SEC24D: variants seen among roughly 807,000 people sequenced by gnomAD.
The protein encoded by SEC24D is protein transport protein Sec24D.
Under a neutral mutation model 116.9 loss-of-function variants are expected in SEC24D, and 69 were observed. That is an observed-to-expected ratio of 0.59 (90% CI 0.49 to 0.72). The LOEUF (loss-of-function observed/expected upper bound fraction) is 0.72. SEC24D is among the 30% of genes least tolerant of loss of function. The pLI, the probability that SEC24D is intolerant of heterozygous loss-of-function variation, is 0.00. For missense variants in SEC24D, 1,131 were observed against 1,264.1 expected (o/e 0.89, Z 1.60); for synonymous variants, 405 against 442.8 (o/e 0.91, Z 1.07).
chr4:118,723,317 C>G lies in SEC24D; in HGVS notation c.*198G>C, dbSNP rs1377682455. Reference sequence around the variant, plus strand: ...ACTGTGCAATCAGAAACAGATTGTTCCCTTTATGGTACAATTGTACCTTAA... The same window carrying G: ...ACTGTGCAATCAGAAACAGATTGTTGCCTTTATGGTACAATTGTACCTTAA... On this transcript the variant is annotated 3_prime_UTR_variant, in exon 23 of 23. Coordinates refer to ENST00000280551, the MANE Select transcript of SEC24D (RefSeq NM_014822.4). 2.1e-6 allele frequency: 1 copy of G among 482,290 alleles called. No homozygotes were observed. Among genetic ancestry groups the G allele is most frequent in the Non-Finnish European group, 3.6e-6 (1 of 277,878 alleles). The allele number at this position is 482,290 out of a possible 1,614,324, so 29.9% of individuals were successfully genotyped here. A position where few individuals can be genotyped will look rare whatever the true frequency, so the allele number is the denominator to read the frequency against.
intron 1 of SEC24D, 133 bp from the exon 2 acceptor site, chr4:118,833,870 T>C: frequency 3.6e-6 from 2 of 550,608 alleles, no homozygotes; most frequent in South Asian, 4.5e-5. Flanking sequence ...ATGAGAAATC[T>C]TTGTATTATA....
intron 20 of SEC24D, among the ~76,000 whole-genome samples, chr4:118,732,446 G>GACA (rs1725742234): frequency 6.6e-6 from 1 of 152,080 alleles, no homozygotes. Context: ...GGCCAGAGCT[G>GACA]ACAATTATTT....
intron 10 of SEC24D, among the ~76,000 whole-genome samples, chr4:118,761,765 G>C (rs1386595516): frequency 6.6e-6 from 1 of 152,184 alleles, no homozygotes; most frequent in Non-Finnish European, 1.5e-5. Flanking sequence ...TTGTCAATAA[G>C]TTTGTGAAAC....
intron 22 of SEC24D, among the ~76,000 whole-genome samples, chr4:118,725,140 A>ATATATAAG (rs1221670179): frequency 6.6e-6 from 1 of 152,178 alleles, no homozygotes; most frequent in East Asian, 1.9e-4. Flanking sequence ...AAAAATAATA[A>ATATATAAG]TATATAAGAA....
intron 2 of SEC24D, chr4:118,825,694 A>G (rs1274459926): frequency 2.4e-6 from 1 of 413,606 alleles, no homozygotes; most frequent in Non-Finnish European, 4.6e-6. Context: ...AGAAAAGAAA[A>G]AAAGAGAAAA....
At chr4:118,746,224 T>TGGGG (rs1560628769) in intron 13 of SEC24D, among the ~76,000 whole-genome samples, 45 of 4,432 alleles carry the variant, frequency 0.01, no homozygotes, top group African/African-American at 0.034. Flanking sequence ...GAGGGGAGGT[T>TGGGG]GGGGGAGGGA....
At chr4:118,760,545 G>A (rs564606668) in intron 10 of SEC24D, 1 of 152,006 alleles carries the variant, frequency 6.6e-6, no homozygotes, top group Non-Finnish European at 1.5e-5. Context: ...ACCACATTTT[G>A]CTTATCCATT....
chr4:118,764,561 T>C (rs1208787160), intron 10 of SEC24D: 3 of 378,946 alleles, frequency 7.9e-6, no homozygotes, highest in Non-Finnish European at 9.4e-6. Flanking sequence ...TAAAAAATTA[T>C]TGTTTTCTAT....
At chr4:118,794,470 T>C (rs1439036956) in intron 8 of SEC24D, among the ~76,000 whole-genome samples, 1 of 152,216 alleles carries the variant, frequency 6.6e-6, no homozygotes, top group East Asian at 1.9e-4. Flanking sequence ...AAACTGACAT[T>C]ATTCATGTGT....
At chr4:118,777,863 G>A (rs1172427734) in intron 8 of SEC24D, among the ~76,000 whole-genome samples, 1 of 152,236 alleles carries the variant, frequency 6.6e-6, no homozygotes, top group Non-Finnish European at 1.5e-5. Context: ...GATGACCAGT[G>A]ATGATGAGCA....
At chr4:118,785,945 T>C (rs776434820) in intron 8 of SEC24D, among the ~76,000 whole-genome samples, 13 of 152,178 alleles carry the variant, frequency 8.5e-5, no homozygotes, top group Non-Finnish European at 1.8e-4. Context: ...AATAAAATTT[T>C]CCATGGCAAA....
rs781567013 is a variant in SEC24D, at chr4:118,833,623, T to A, written c.74A>T (p.His25Leu). Residue 25 changes from histidine (H) to leucine (L), a missense_variant, in exon 2 of 23, where the codon CAT becomes CTT. Physicochemically the swap from His to Leu is moderately conservative, Grantham distance 99 (BLOSUM62 -3). Transcript: ENST00000280551. Reference sequence around the variant, plus strand: ...CGACGGATCCCCATAGTGCCCATAATGAGGTGGAGAAAGGCCTATTCCAGG... The same window carrying A: ...CGACGGATCCCCATAGTGCCCATAAAGAGGTGGAGAAAGGCCTATTCCAGG... The part of the protein sequence containing the change: ...PQPGIGLSPP[H>L]YGHYGDPSHT... 3.1e-6 allele frequency: 5 copies of A among 1,614,032 alleles called. No homozygotes were observed. Among genetic ancestry groups the A allele is most frequent in the Non-Finnish European group, 4.2e-6 (5 of 1,179,964 alleles).
At chr4:118,817,047 G>A (rs1259787029) in intron 4 of SEC24D, among the ~76,000 whole-genome samples, 1 of 152,030 alleles carries the variant, frequency 6.6e-6, no homozygotes, top group African/African-American at 2.4e-5. Flanking sequence ...GGTATTCTGA[G>A]GGTCCTTCAA....
At chr4:118,725,735 G>C (rs559224980) in intron 22 of SEC24D, among the ~76,000 whole-genome samples, 1 of 152,186 alleles carries the variant, frequency 6.6e-6, no homozygotes, top group East Asian at 1.9e-4. Context: ...GAGAAACTTA[G>C]CTTTAAGCTA....
At chr4:118,744,771 G>A (rs1726419806) in intron 14 of SEC24D, among the ~76,000 whole-genome samples, 173 bp downstream of exon 14, 1 of 152,128 alleles carries the variant, frequency 6.6e-6, no homozygotes, top group Non-Finnish European at 1.5e-5. Flanking sequence ...GTTTTTCTAG[G>A]AATATAAAAT....
At chr4:118,796,447 C>CCA (rs1457004306) in intron 8 of SEC24D, among the ~76,000 whole-genome samples, 1 of 152,100 alleles carries the variant, frequency 6.6e-6, no homozygotes, top group African/African-American at 2.4e-5. Flanking sequence ...CGAAACCATA[C>CCA]CACACGTAAG....
At chr4:118,726,714 G>C (rs1352640762) in intron 22 of SEC24D, among the ~76,000 whole-genome samples, 1 of 152,166 alleles carries the variant, frequency 6.6e-6, no homozygotes, top group Non-Finnish European at 1.5e-5. Context: ...GTGCAGGGCA[G>C]GACTAGAATT....
chr4:118,778,671 G>C (rs936171042), intron 8 of SEC24D, among the ~76,000 whole-genome samples: 1 of 152,166 alleles, frequency 6.6e-6, no homozygotes, highest in Non-Finnish European at 1.5e-5. Context: ...GGATGGCACT[G>C]AATCTATAAA....
At chr4:118,800,087 G>C (rs1729364619) in intron 7 of SEC24D, among the ~76,000 whole-genome samples, 1 of 152,122 alleles carries the variant, frequency 6.6e-6, no homozygotes, top group African/African-American at 2.4e-5. Context: ...TGCTCACTGA[G>C]GGCCAAATGC....
Sources: allele counts gnomAD v4.1 joint callset (sites outside exome capture counted in the v4.1 genomes callset), GRCh38; gene constraint gnomAD v4.1.1; transcripts MANE v1.5; gene names NCBI Gene and HGNC (gene_info 2026-07-23, HGNC 2026-07-21).